Variants in AAAS observed in about 807,000 individuals in gnomAD.
AAAS encodes the protein aladin.
AAAS carries 60 observed loss-of-function variants against 75.6 expected under a neutral mutation model. The observed-to-expected ratio is 0.79, with a 90% confidence interval of 0.64 to 0.98. The LOEUF is 0.98. Among genes scored for constraint, AAAS ranks in the 50% least tolerant of loss-of-function variants. The probability of loss-of-function intolerance (pLI) is 0.00; values close to 1 mark genes in which losing one functional copy is unlikely to be tolerated. For synonymous variants in AAAS, 271 were observed against 265.0 expected (o/e 1.02, Z -0.22); for missense variants, 658 against 686.9 (o/e 0.96, Z 0.47).
chr12:53,308,946 G>C lies in AAAS; in HGVS notation c.996+14C>G, dbSNP rs1592512918. On this transcript the variant is annotated intron_variant, in intron 10 of 15. Transcript: ENST00000209873. ...TCTCCTCCCCAGTGTCTGTGAATCA[G>C]AGTCCCCTCTTACCTGACAGCGCCC... 4 of 1,614,204 alleles carry C rather than the reference G, an allele frequency of 2.5e-6. No individual in the cohort carries two copies. The East Asian group carries it at 6.7e-5, about 27-fold the overall frequency.
rs1482342165 is a variant in AAAS, at chr12:53,307,553, G to C, written c.1577C>G (p.Ala526Gly). The C allele has an allele frequency of 1.9e-6, 3 of 1,614,204 alleles. No homozygotes were observed. Among genetic ancestry groups the C allele is most frequent in the Non-Finnish European group, 1.7e-6 (2 of 1,180,024 alleles). The change falls in exon 16 of 16, where the codon GCC becomes GGC. Residue 526 changes from alanine (A) to glycine (G), a missense_variant. Transcript: ENST00000209873. ...PLFTETSPTS[A>G]PWDPLPGPPP... ...TGGCCCTGGGAGAGGGTCCCAAGGG[G>C]CAGAGGTTGGGGATGTCTCAGTAAA...
In AAAS at chr12:53,314,751, C is replaced by T. The variant is rs991009491; in HGVS notation, c.545G>A (p.Ser182Asn). ...GCCCACCTGGTGTCCCCACACACAC[C>T]TGCTGGCATTATACACACGGACTGA... is the stretch of plus-strand genomic sequence containing the variant. ...DDSVRVYNAS[S>N]TIVPSLKHRL... Residue 182 changes from serine to asparagine, a missense_variant and splice_region_variant, in exon 6 of 16, where the codon AGC (serine) becomes AAC (asparagine). Ser to Asn is a conservative substitution (Grantham distance 46). Transcript: ENST00000209873. The T allele has an allele frequency of 6.2e-7, 1 of 1,613,224 alleles. No homozygotes were observed. Among genetic ancestry groups the T allele is most frequent in the Non-Finnish European group, 8.5e-7 (1 of 1,179,892 alleles).
At chr12:53,320,115 T>C (rs146215037) in intron 2 of AAAS, among the ~76,000 whole-genome samples, 1,728 of 149,906 alleles carry the variant, frequency 0.012, 26 homozygotes, top group South Asian at 0.05. Context: ...TGAAACTCCA[T>C]CTCAAAAAAA....
chr12:53,315,480 G>T, intron 3 of AAAS, 54 bp from the exon 4 acceptor site: 1 of 1,510,654 alleles, frequency 6.6e-7, no homozygotes, highest in Non-Finnish European at 9.1e-7. Context: ...CTCTTACCAG[G>T]TACCTTCTAG....
At chr12:53,314,256 C>A in intron 7 of AAAS, 42 bp downstream of exon 7, 1 of 1,613,852 alleles carries the variant, frequency 6.2e-7, no homozygotes, top group Non-Finnish European at 8.5e-7. Context: ...CCTAGCATTG[C>A]ACAACTCTCA....
At chr12:53,319,606 C>A (rs375426021) in intron 2 of AAAS, among the ~76,000 whole-genome samples, 22 of 144,422 alleles carry the variant, frequency 1.5e-4, no homozygotes, top group African/African-American at 5.4e-4. Context: ...GGAGGCCAGA[C>A]CACCCTGGCC....
At chr12:53,320,132 A>G (rs1234527404) in intron 2 of AAAS, among the ~76,000 whole-genome samples, 2 of 152,116 alleles carry the variant, frequency 1.3e-5, no homozygotes, top group African/African-American at 4.8e-5. Context: ...AAAAAAAAAG[A>G]AAATGAAACC....
Position 53,309,646 on chromosome 12 carries a change from A to C in AAAS, c.765T>G (p.Ser255Arg). Residue 255 changes from serine (S) to arginine (R), a missense_variant, in exon 8 of 16, where the codon AGT (serine) becomes AGG (arginine). Ser to Arg is a moderately radical substitution (Grantham distance 110). Transcript: ENST00000209873. The stretch of plus-strand genomic sequence containing the variant: ...GTGAAGCTGAGAGCAGCCGCCCCCC[A>C]CTGGGGGCCCAGGCCAAGCTGGTAA... ...TPVTSLAWAPSGGRLLSASPV... is the reference protein window; with the variant it reads ...TPVTSLAWAPRGGRLLSASPV... 6.2e-7 allele frequency: 1 copy of C among 1,613,514 alleles called. No homozygotes were observed. The highest frequency in any genetic ancestry group is 8.5e-7 in the Non-Finnish European group (1 of 1,179,872).
At chr12:53,311,283 C>A (rs2136804673) in intron 7 of AAAS, among the ~76,000 whole-genome samples, 1 of 152,116 alleles carries the variant, frequency 6.6e-6, no homozygotes, top group South Asian at 2.1e-4. Flanking sequence ...TTTTTTAAAT[C>A]GAGTTCCGCT....
In AAAS at chr12:53,315,775, C is replaced by T. The variant is rs766985003; in HGVS notation, c.259G>A (p.Val87Met). ...TCATTTAGCACCCCAAAAAGGCCCA[C>T]ATCACGCCTGATAAGGGAGGAAAAT... ...WKRCINIWRDVGLFGVLNEIA... is the reference protein window; with the variant it reads ...WKRCINIWRDMGLFGVLNEIA... The change falls in exon 3 of 16, where the codon GTG becomes ATG. Residue 87 changes from valine (V) to methionine (M), a missense_variant. Physicochemically the swap from Val to Met is conservative, Grantham distance 21. Coordinates refer to ENST00000209873, the MANE Select transcript of AAAS (RefSeq NM_015665.6). The T allele has an allele frequency of 6.2e-7, 1 of 1,613,746 alleles. No individual in the cohort carries two copies. Among genetic ancestry groups the T allele is most frequent in the African/African-American group, 1.3e-5 (1 of 74,918 alleles).
chr12:53,314,157 T>G (rs1195233287), intron 7 of AAAS, 141 bp downstream of exon 7: 2 of 1,271,230 alleles, frequency 1.6e-6, no homozygotes, highest in African/African-American at 2.9e-5. Flanking sequence ...GCAACCCACC[T>G]TGATCTTACT....
At chr12:53,310,558 CAAA>C (rs939524283) in intron 7 of AAAS, among the ~76,000 whole-genome samples, 5 of 76,396 alleles carry the variant, frequency 6.5e-5, no homozygotes, top group Non-Finnish European at 8.2e-5. Context: ...GACTCCGTCT[CAAA>C]AAAAAAAAAA....
At position 53,308,281 on chromosome 12, in the gene AAAS, C is replaced by T. The variant is rs199995356; in HGVS notation, c.1249+1G>A. 6.2e-7 allele frequency: 1 copy of T among 1,614,176 alleles called. No individual in the cohort carries two copies. The highest frequency in any genetic ancestry group is 1.7e-5 in the Admixed American group (1 of 60,024). ...CTGAGCCCTTCATCCTTGCCTCTCA[C>T]CTTTCATAAGCACAGCCAGACGTTC... On this transcript the variant is annotated splice_donor_variant, in intron 13 of 15. Coordinates refer to ENST00000209873, the MANE Select transcript of AAAS (RefSeq NM_015665.6). LOFTEE classifies it high-confidence loss of function.
At chr12:53,311,759 T>C (rs1419528219) in intron 7 of AAAS, among the ~76,000 whole-genome samples, 1 of 150,942 alleles carries the variant, frequency 6.6e-6, no homozygotes, top group Non-Finnish European at 1.5e-5. Flanking sequence ...CTACTAAAAA[T>C]AAAAAATTAG....
chr12:53,321,598 A>G lies in AAAS; in HGVS notation c.-133T>C. On this transcript the variant is annotated 5_prime_UTR_variant, in exon 1 of 16. Transcript: ENST00000209873. The stretch of plus-strand genomic sequence containing the variant: ...CGCAAGGGACAAACGGCGAGGCGGA[A>G]CTCAACGGAAGTGAAGAAAAGACTA... The G allele has an allele frequency of 1.3e-6, 2 of 1,493,312 alleles. No homozygotes were observed. Among genetic ancestry groups the G allele is most frequent in the South Asian group, 2.3e-5 (2 of 88,204 alleles). The allele number at this position is 1,493,312 out of a possible 1,614,324, so 92.5% of individuals were successfully genotyped here.
intron 7 of AAAS, among the ~76,000 whole-genome samples, chr12:53,311,578 G>A (rs1445747127): frequency 6.6e-6 from 1 of 152,128 alleles, no homozygotes; most frequent in Non-Finnish European, 1.5e-5. Context: ...AATAGCCACT[G>A]TATTCCAGCC....
intron 2 of AAAS, among the ~76,000 whole-genome samples, chr12:53,316,279 G>A (rs75892184): frequency 5.8e-4 from 87 of 149,596 alleles, no homozygotes; most frequent in African/African-American, 2.0e-3. Flanking sequence ...GTAAAACCCC[G>A]TCTCTACTAA....
rs867349071 is a variant in AAAS at position 53,318,249 on chromosome 12, T to C, written c.251+2316A>G. The stretch of plus-strand genomic sequence containing the variant: ...GTGTGTGTGTGTGTGTGTGTGCGTG[T>C]GTGTGTGTGTGTGTGTGTGTGTGTT... On this transcript the variant is annotated intron_variant, in intron 2 of 15. Transcript: ENST00000209873. Among the ~76,000 whole-genome samples, 265 of 140,854 alleles carry C rather than the reference T, an allele frequency of 1.9e-3. 4 individuals are homozygous for C. The highest frequency in any genetic ancestry group is 4.4e-3 in the African/African-American group (150 of 34,426). 92.4% of individuals were successfully genotyped at this position (140,854 alleles called of 152,430 possible).
chr12:53,317,286 G>A (rs897475603), intron 2 of AAAS, among the ~76,000 whole-genome samples: 4 of 151,842 alleles, frequency 2.6e-5, no homozygotes, highest in Admixed American at 1.3e-4. Flanking sequence ...GGCCAGGTGC[G>A]GTGGCTCACA....
Sources: allele counts gnomAD v4.1 joint callset (sites outside exome capture counted in the v4.1 genomes callset), GRCh38; gene constraint gnomAD v4.1.1; transcripts MANE v1.5; gene names NCBI Gene and HGNC (gene_info 2026-07-23, HGNC 2026-07-21).